PRKCA: variants seen among roughly 807,000 people sequenced by gnomAD.
PRKCA encodes the protein protein kinase C alpha type.
A neutral mutation model predicts 87.0 loss-of-function variants in PRKCA; 27 were observed. That is an observed-to-expected ratio of 0.31 (90% CI 0.23 to 0.43). The LOEUF is 0.43. PRKCA is among the 20% of genes least tolerant of loss of function. The probability of loss-of-function intolerance (pLI) is 1.00; values close to 1 mark genes in which losing one functional copy is unlikely to be tolerated. For synonymous variants in PRKCA, 329 were observed against 311.1 expected, an observed-to-expected ratio of 1.06 and a Z score of -0.61; for missense variants, 518 against 852.3, an observed-to-expected ratio of 0.61 and a Z score of 4.88.
At chr17:66,478,523 G>A (rs990793115) in intron 2 of PRKCA, among the ~76,000 whole-genome samples, 2 of 151,742 alleles carry the variant, frequency 1.3e-5, no homozygotes, top group African/African-American at 2.4e-5. Context: ...TGAAGTGTTG[G>A]GATTACAGGC....
At chr17:66,528,684 G>A (rs1405121433) in intron 3 of PRKCA, among the ~76,000 whole-genome samples, 7 of 152,328 alleles carry the variant, frequency 4.6e-5, no homozygotes, top group Non-Finnish European at 8.8e-5. Flanking sequence ...CCCCAAAACT[G>A]TGAGATAATA....
chr17:66,502,913 C>G (rs1171885632), intron 3 of PRKCA, among the ~76,000 whole-genome samples: 1 of 152,190 alleles, frequency 6.6e-6, no homozygotes, highest in Non-Finnish European at 1.5e-5. Context: ...CCTGCCTTGG[C>G]CTCCCAAAGT....
intron 2 of PRKCA, among the ~76,000 whole-genome samples, chr17:66,430,586 AG>A: frequency 6.6e-6 from 1 of 152,098 alleles, no homozygotes; most frequent in East Asian, 2.0e-4. Flanking sequence ...TTAGGGGGCC[AG>A]CCCTGTGGTG....
At chr17:66,396,005 T>C (rs887367046) in intron 2 of PRKCA, among the ~76,000 whole-genome samples, 2 of 152,040 alleles carry the variant, frequency 1.3e-5, no homozygotes, top group African/African-American at 4.8e-5. Flanking sequence ...GGAAAATAAT[T>C]GGCACAGGCA....
intron 2 of PRKCA, among the ~76,000 whole-genome samples, chr17:66,406,754 T>G (rs1911429810): frequency 6.6e-6 from 1 of 152,088 alleles, no homozygotes; most frequent in Non-Finnish European, 1.5e-5. Flanking sequence ...TAGGTAAAAT[T>G]ACACAGCCAT....
chr17:66,681,114 A>G (rs1022875604), intron 5 of PRKCA, among the ~76,000 whole-genome samples: 1 of 152,120 alleles, frequency 6.6e-6, no homozygotes, highest in African/African-American at 2.4e-5. Context: ...TTGTAGTTCC[A>G]GCTACTCAGG....
intron 8 of PRKCA, among the ~76,000 whole-genome samples, chr17:66,699,166 T>G (rs1361646106): frequency 1.5e-5 from 2 of 134,828 alleles, no homozygotes; most frequent in African/African-American, 5.7e-5. Context: ...TGCGTGTGAA[T>G]AGCCAGTGCA....
At chr17:66,319,793 G>A (rs1905540900) in intron 2 of PRKCA, among the ~76,000 whole-genome samples, 1 of 151,788 alleles carries the variant, frequency 6.6e-6, no homozygotes, top group South Asian at 2.1e-4. Context: ...TCAAGGTGGG[G>A]TACAGTGGTG....
chr17:66,524,809 C>T lies in PRKCA; in HGVS notation c.288+28526C>T, dbSNP rs558951558. 3.0e-3 allele frequency among the ~76,000 whole-genome samples: 459 copies of T among 152,264 alleles called. 8 individuals carry two copies. Among genetic ancestry groups the T allele is most frequent in the Non-Finnish European group, 1.1e-3 (73 of 68,018 alleles). ...GACAGGTATCTGGGTCTGTCTTCCT[C>T]TATCCAAGATCACTTCCCCCACCTC... On this transcript the variant is annotated intron_variant, in intron 3 of 16. Transcript: ENST00000413366.
chr17:66,507,932 A>G (rs16959392), intron 3 of PRKCA, among the ~76,000 whole-genome samples: 3,766 of 152,292 alleles, frequency 0.025, 129 homozygotes, highest in African/African-American at 0.085. Flanking sequence ...GGGTCTGTGG[A>G]CAGAGAAGTA....
At position 66,310,209 on chromosome 17, in the gene PRKCA, T is replaced by C. The variant is rs908037235; in HGVS notation, c.205+4082T>C. Among the ~76,000 whole-genome samples the C allele has an allele frequency of 1.4e-4, 15 of 107,392 alleles. No homozygotes were observed. In the East Asian group the frequency reaches 3.6e-3, roughly 26 times the overall value. 70.5% of individuals were successfully genotyped at this position (107,392 alleles called of 152,430 possible). A position where few individuals can be genotyped will look rare whatever the true frequency, so the allele number is the denominator to read the frequency against. On this transcript the variant is annotated intron_variant, in intron 2 of 16. Coordinates refer to ENST00000413366, the MANE Select transcript of PRKCA (RefSeq NM_002737.3). ...CTAACCTCCACTTGTTTTCTCTAAT[T>C]TTTTTTTTTTTTTGCTATTCTTTGT...
chr17:66,332,194 C>G (rs764013521), intron 2 of PRKCA, among the ~76,000 whole-genome samples: 3 of 148,074 alleles, frequency 2.0e-5, no homozygotes, highest in Non-Finnish European at 4.5e-5. Context: ...TTTTTTCTTT[C>G]TTTCCTTCTT....
intron 2 of PRKCA, among the ~76,000 whole-genome samples, chr17:66,458,823 T>C (rs901318455): frequency 2.6e-5 from 4 of 152,146 alleles, no homozygotes; most frequent in Non-Finnish European, 2.9e-5. Context: ...TAATATTCCT[T>C]ACACATTTGG....
chr17:66,531,330 T>C (rs1249504893), intron 3 of PRKCA, among the ~76,000 whole-genome samples: 2 of 152,200 alleles, frequency 1.3e-5, no homozygotes, highest in African/African-American at 4.8e-5. Flanking sequence ...CTGCCTGAAC[T>C]GCAGAGTCCT....
chr17:66,575,534 C>T (rs780290573), intron 3 of PRKCA, among the ~76,000 whole-genome samples: 14 of 151,890 alleles, frequency 9.2e-5, no homozygotes, highest in African/African-American at 1.7e-4. Context: ...GAGCCGAGAT[C>T]GCATCCTTGC....
chr17:66,734,080 T>C lies in PRKCA; in HGVS notation c.1056+1255T>C, dbSNP rs75065245. Among the ~76,000 whole-genome samples the C allele has an allele frequency of 7.6e-3, 1,162 of 152,316 alleles. 21 individuals carry two copies. Among genetic ancestry groups the C allele is most frequent in the Admixed American group, 0.038 (576 of 15,302 alleles). On this transcript the variant is annotated intron_variant, in intron 9 of 16. Transcript: ENST00000413366. ...GCTGTAGGGATTTAGAAATTTGCCA[T>C]GCCAGCTGGGCCCTGAACCCTCAAC...
At chr17:66,420,002 CTTTTTTTTTT>C (rs558522698) in intron 2 of PRKCA, among the ~76,000 whole-genome samples, 1 of 113,716 alleles carries the variant, frequency 8.8e-6, no homozygotes, top group Non-Finnish European at 1.9e-5. Context: ...GGGTTGTGTT[CTTTTTTTTTT>C]TTTTTTTTTT....
chr17:66,551,354 A>G (rs1011590619), intron 3 of PRKCA, among the ~76,000 whole-genome samples: 2 of 152,392 alleles, frequency 1.3e-5, no homozygotes, highest in Middle Eastern at 3.4e-3. Context: ...TAAGGCTGCA[A>G]TCAAGGTATG....
At chr17:66,739,712 G>A (rs1429180101) in intron 11 of PRKCA, among the ~76,000 whole-genome samples, 1 of 152,030 alleles carries the variant, frequency 6.6e-6, no homozygotes, top group Non-Finnish European at 1.5e-5. Flanking sequence ...GTCCAGGGAA[G>A]CAGCCTTGCA....
Sources: allele counts gnomAD v4.1 joint callset (sites outside exome capture counted in the v4.1 genomes callset), GRCh38; gene constraint gnomAD v4.1.1; transcripts MANE v1.5; gene names NCBI Gene and HGNC (gene_info 2026-07-23, HGNC 2026-07-21).